KRABD5: variants seen among roughly 807,000 people sequenced by gnomAD.
The protein encoded by KRABD5 is KRAB domain containing 5, also known as KRAB domain-containing protein 5.
the KRABD5 span, among the ~76,000 whole-genome samples, chr16:31,731,279 T>C: frequency 3.3e-5 from 5 of 152,226 alleles, no homozygotes; most frequent in Non-Finnish European, 5.9e-5. Context: ...TGACTGCTAC[T>C]GGGTCTGCAG....
At chr16:31,723,444 C>T in the KRABD5 span, 1 of 1,311,394 alleles carries the variant, frequency 7.6e-7, no homozygotes, top group African/African-American at 1.5e-5. Flanking sequence ...GGGAAGTTCT[C>T]CAGTGGAAAT....
the KRABD5 span, chr16:31,722,538 T>C: frequency 7.3e-6 from 11 of 1,513,900 alleles, no homozygotes; most frequent in African/African-American, 9.9e-5. Flanking sequence ...CAGTCAGTTT[T>C]CTTAGCTCTC....
the KRABD5 span, among the ~76,000 whole-genome samples, chr16:31,714,710 G>A: frequency 6.6e-6 from 1 of 152,198 alleles, no homozygotes; most frequent in Non-Finnish European, 1.5e-5. Context: ...CCCTTCAGGT[G>A]TCCCTGAGGT....
the KRABD5 span, chr16:31,755,783 T>C: frequency 1.1e-4 from 36 of 340,070 alleles, 1 homozygote; most frequent in South Asian, 8.0e-4. Context: ...ATAGAGTTTA[T>C]AGGGAAACCG....
At chr16:31,713,914 G>A in the KRABD5 span, among the ~76,000 whole-genome samples, 11 of 152,358 alleles carry the variant, frequency 7.2e-5, no homozygotes, top group East Asian at 1.7e-3. Flanking sequence ...CTCTGGAGCA[G>A]CGATTTCAAA....
the KRABD5 span, among the ~76,000 whole-genome samples, chr16:31,725,858 C>T: frequency 6.6e-6 from 1 of 152,202 alleles, no homozygotes; most frequent in Non-Finnish European, 1.5e-5. Flanking sequence ...ATTCTTACAT[C>T]TTTTGGATAT....
the KRABD5 span, among the ~76,000 whole-genome samples, chr16:31,740,482 T>G: frequency 6.6e-6 from 1 of 152,194 alleles, no homozygotes; most frequent in Non-Finnish European, 1.5e-5. Flanking sequence ...TTAATTTGTC[T>G]GTGTTCTCCT....
the KRABD5 span, among the ~76,000 whole-genome samples, chr16:31,728,077 A>C: frequency 3.9e-5 from 6 of 152,268 alleles, no homozygotes; most frequent in Middle Eastern, 3.4e-3. Context: ...CTGGTCTCCA[A>C]ATCCTGGGCT....
the KRABD5 span, among the ~76,000 whole-genome samples, chr16:31,737,462 T>C: frequency 6.6e-6 from 1 of 150,878 alleles, no homozygotes; most frequent in Admixed American, 6.8e-5. Flanking sequence ...CTACAAAAAA[T>C]AAGTCAGTCC....
chr16:31,725,001 C>A, the KRABD5 span, among the ~76,000 whole-genome samples: 1 of 152,178 alleles, frequency 6.6e-6, no homozygotes, highest in African/African-American at 2.4e-5. Context: ...TCCATGTTGT[C>A]AGAAATGGTA....
chr16:31,749,668 ACT>A, the KRABD5 span, among the ~76,000 whole-genome samples: 2 of 152,194 alleles, frequency 1.3e-5, no homozygotes, highest in Non-Finnish European at 2.9e-5. Context: ...ACACTCACAC[ACT>A]GACTCCTCTG....
the KRABD5 span, chr16:31,755,199 C>T: frequency 8.4e-6 from 4 of 474,068 alleles, no homozygotes; most frequent in South Asian, 6.1e-5. Context: ...AGAATTCATA[C>T]CGGAGAAAAA....
the KRABD5 span, among the ~76,000 whole-genome samples, chr16:31,729,702 CTT>C: frequency 6.6e-6 from 1 of 152,010 alleles, no homozygotes; most frequent in Admixed American, 6.5e-5. Context: ...CTATTTTATA[CTT>C]TGTTTCTTTT....
At chr16:31,720,530 C>A in the KRABD5 span, among the ~76,000 whole-genome samples, 1 of 152,144 alleles carries the variant, frequency 6.6e-6, no homozygotes, top group African/African-American at 2.4e-5. Flanking sequence ...GTCACATGGC[C>A]AGTTTTAAGA....
chr16:31,734,792 G>A, the KRABD5 span, among the ~76,000 whole-genome samples: 1 of 150,654 alleles, frequency 6.6e-6, no homozygotes, highest in East Asian at 2.0e-4. Context: ...TGTTGCCCAG[G>A]CTGGAGTGCA....
At chr16:31,722,628 A>T in the KRABD5 span, 5 of 1,612,578 alleles carry the variant, frequency 3.1e-6, no homozygotes, top group African/African-American at 6.7e-5. Flanking sequence ...TATTTCAGGG[A>T]CTGTTGACAT....
chr16:31,733,547 C>T, the KRABD5 span: 1 of 456,172 alleles, frequency 2.2e-6, no homozygotes, highest in South Asian at 1.5e-5. Flanking sequence ...ACAAATTGTC[C>T]TTTCCACACT....
chr16:31,745,679 A>G, the KRABD5 span, among the ~76,000 whole-genome samples: 1 of 100,662 alleles, frequency 9.9e-6, no homozygotes, highest in Admixed American at 9.0e-5. Context: ...TATCCTTGTT[A>G]ATTTTCTGTC....
the KRABD5 span, chr16:31,759,241 A>G: frequency 1.3e-5 from 14 of 1,115,170 alleles, no homozygotes; most frequent in Non-Finnish European, 1.8e-5. Flanking sequence ...AGAACAAAAT[A>G]CAGCTCAGGA....
Sources: gnomAD v4.1 joint callset for allele counts (sites outside exome capture counted in the v4.1 genomes callset) on GRCh38, gnomAD v4.1.1 for gene constraint, MANE v1.5 for transcripts, NCBI Gene and HGNC (gene_info 2026-07-23, HGNC 2026-07-21) for gene names.